SAMSN1: variants seen among roughly 807,000 people sequenced by gnomAD.
SAMSN1 encodes the protein SAM domain, SH3 domain and nuclear localization signals 1, also known as SAM domain-containing protein SAMSN-1.
Under a neutral mutation model 42.0 loss-of-function variants are expected in SAMSN1, and 31 were observed. The ratio of observed to expected loss-of-function variants is 0.74; its 90% CI spans 0.55 to 1.00. The LOEUF (loss-of-function observed/expected upper bound fraction) is 1.00. Ranked by LOEUF, SAMSN1 falls within the 50% of genes least tolerant of loss-of-function variation. SAMSN1 has a pLI of 0.00. For missense variants in SAMSN1, 464 were observed against 439.4 expected, an observed-to-expected ratio of 1.06 and a Z score of -0.50; for synonymous variants, 178 against 151.9, an observed-to-expected ratio of 1.17 and a Z score of -1.26.
At chr21:14,572,005 G>A (rs114026101) in intron 2 of SAMSN1, among the ~76,000 whole-genome samples, 1,939 of 143,036 alleles carry the variant, frequency 0.014, 27 homozygotes, top group African/African-American at 0.052. Flanking sequence ...ACATTTTCTC[G>A]TGTAATACAG....
upstream of SAMSN1, chr21:14,583,717 T>G (rs1437706908): frequency 1.4e-6 from 1 of 717,708 alleles, no homozygotes; most frequent in Admixed American, 2.0e-5. Flanking sequence ...TCCAAACCAG[T>G]TTCTGTAGTC....
intron 1 of SAMSN1, among the ~76,000 whole-genome samples, chr21:14,536,220 T>C (rs1979605422): frequency 6.6e-6 from 1 of 152,186 alleles, no homozygotes; most frequent in South Asian, 2.1e-4. Context: ...GATTCCATTA[T>C]TGTAAAAACA....
At chr21:14,645,223 C>T (rs1031373383) in intron 1 of SAMSN1, among the ~76,000 whole-genome samples, 3 of 152,240 alleles carry the variant, frequency 2.0e-5, no homozygotes, top group South Asian at 2.1e-4. Flanking sequence ...CAGTGTTGTG[C>T]TGGCTTCAGG....
chr21:14,578,710 C>A (rs55736106), intron 2 of SAMSN1, among the ~76,000 whole-genome samples: 139,287 of 139,352 alleles, frequency 1, 69,611 homozygotes, highest in Middle Eastern at 1. Flanking sequence ...AAAAAAGACC[C>A]CAAGATTGTA....
chr21:14,634,742 G>A (rs1199031148), intron 2 of SAMSN1, among the ~76,000 whole-genome samples: 1 of 152,180 alleles, frequency 6.6e-6, no homozygotes, highest in Non-Finnish European at 1.5e-5. Flanking sequence ...CATCCACTGT[G>A]GAAGACAGTG....
In SAMSN1 at chr21:14,581,344, C is replaced by CTTTTTTTTTTTTTTTTT. The variant is rs56728511; in HGVS notation, c.261+775_261+791dup. Among the ~76,000 whole-genome samples, 122 of 32,594 alleles carry CTTTTTTTTTTTTTTTTT rather than the reference C, an allele frequency of 3.7e-3. 52 individuals are homozygous for CTTTTTTTTTTTTTTTTT. The highest frequency in any genetic ancestry group is 5.5e-3 in the Admixed American group (9 of 1,632). The allele number at this position is 32,594 out of a possible 152,430, so 21.4% of individuals were successfully genotyped here. Reference sequence around the variant, plus strand: ...TGTAAAATGAGGGGAAATAATATTTCTTTTTTTTTTTTTTTTTTTTTTTTT... The same window carrying CTTTTTTTTTTTTTTTTT: ...TGTAAAATGAGGGGAAATAATATTTCTTTTTTTTTTTTTTTTTTTTTTTTTTTTTTTTTTTTTTTTTT... On this transcript the variant is annotated intron_variant, in intron 2 of 8. Coordinates refer to the SAMSN1 transcript ENST00000285670.
chr21:14,545,704 A>G (rs928242116), intron 1 of SAMSN1, among the ~76,000 whole-genome samples: 1 of 152,176 alleles, frequency 6.6e-6, no homozygotes, highest in Non-Finnish European at 1.5e-5. Context: ...GCAAATATAC[A>G]TCTTTACAAC....
upstream of SAMSN1, among the ~76,000 whole-genome samples, chr21:14,586,321 A>G (rs919836200): frequency 6.6e-6 from 1 of 151,804 alleles, no homozygotes; most frequent in African/African-American, 2.4e-5. Context: ...TTTTTCAAAT[A>G]ATAACCCTAT....
At chr21:14,650,809 C>T (rs1299566735) in intron 1 of SAMSN1, among the ~76,000 whole-genome samples, 1 of 151,062 alleles carries the variant, frequency 6.6e-6, no homozygotes, top group Non-Finnish European at 1.5e-5. Flanking sequence ...AGAGATAAAG[C>T]CCAAATAAAT....
intron 2 of SAMSN1, among the ~76,000 whole-genome samples, chr21:14,559,936 C>T (rs1568808404): frequency 6.6e-6 from 1 of 152,170 alleles, no homozygotes; most frequent in Non-Finnish European, 1.5e-5. Context: ...GAGGTGGTCT[C>T]ATCTTATTTG....
At chr21:14,608,340 T>C (rs917199986) in intron 5 of SAMSN1, among the ~76,000 whole-genome samples, 1 of 152,234 alleles carries the variant, frequency 6.6e-6, no homozygotes, top group African/African-American at 2.4e-5. Flanking sequence ...GGACTTTGCA[T>C]TGACCTCAGT....
chr21:14,600,767 A>T (rs1468468088), intron 6 of SAMSN1, among the ~76,000 whole-genome samples: 1 of 152,146 alleles, frequency 6.6e-6, no homozygotes, highest in African/African-American at 2.4e-5. Context: ...CTTCACTTAG[A>T]TATTATATCT....
At chr21:14,515,067 CA>C (rs1228151869) in intron 3 of SAMSN1, among the ~76,000 whole-genome samples, 8 of 147,948 alleles carry the variant, frequency 5.4e-5, no homozygotes, top group East Asian at 3.9e-4. Context: ...CATGCCTAGT[CA>C]AAAAAAAACA....
At chr21:14,531,618 C>A (rs1265163814) in intron 1 of SAMSN1, among the ~76,000 whole-genome samples, 1 of 151,984 alleles carries the variant, frequency 6.6e-6, no homozygotes, top group South Asian at 2.1e-4. Context: ...ACTTTAGTTT[C>A]CTGAAATATT....
Position 14,637,615 on chromosome 21 carries a change from G to T in SAMSN1, c.156+5387C>A, listed in dbSNP as rs184941899. 2.6e-5 allele frequency among the ~76,000 whole-genome samples: 4 copies of T among 152,162 alleles called. No individual in the cohort carries two copies. The East Asian group carries it at 7.7e-4, about 29-fold the overall frequency. ...CTATTGAGAATGACTGCCAGAAGTTGCAGCAAAGATTTTGTGTATCAACTC... is the reference window on the plus strand; with the variant it reads ...CTATTGAGAATGACTGCCAGAAGTTTCAGCAAAGATTTTGTGTATCAACTC... On this transcript the variant is annotated intron_variant, in intron 2 of 15. Transcript: ENST00000647101.
intron 1 of SAMSN1, among the ~76,000 whole-genome samples, chr21:14,532,901 A>G (rs1979357111): frequency 6.6e-6 from 1 of 151,318 alleles, no homozygotes; most frequent in Admixed American, 6.6e-5. Flanking sequence ...TATTACTTTT[A>G]TTATTTATTT....
At chr21:14,558,107 G>A (rs963390039) in intron 2 of SAMSN1, among the ~76,000 whole-genome samples, 9 of 152,138 alleles carry the variant, frequency 5.9e-5, no homozygotes, top group African/African-American at 2.2e-4. Flanking sequence ...TTGGTTACTG[G>A]AAGGCAGAAA....
chr21:14,631,460 T>C (rs546001296), intron 2 of SAMSN1, among the ~76,000 whole-genome samples: 1 of 152,258 alleles, frequency 6.6e-6, no homozygotes, highest in Non-Finnish European at 1.5e-5. Context: ...CCAGGCTTTC[T>C]GGGTTCAAGC....
At chr21:14,508,509 C>A (rs1360254902) in intron 5 of SAMSN1, among the ~76,000 whole-genome samples, 1 of 152,110 alleles carries the variant, frequency 6.6e-6, no homozygotes, top group African/African-American at 2.4e-5. Context: ...CAATGTGATA[C>A]CAGCTTACCC....
Sources: gnomAD v4.1 joint callset for allele counts (sites outside exome capture counted in the v4.1 genomes callset) on GRCh38, gnomAD v4.1.1 for gene constraint, MANE v1.5 for transcripts, NCBI Gene and HGNC (gene_info 2026-07-23, HGNC 2026-07-21) for gene names.